Variants in THSD7B observed in about 807,000 individuals in gnomAD.
THSD7B encodes the protein thrombospondin type 1 domain containing 7B.
THSD7B carries 138 observed loss-of-function variants against 213.6 expected under a neutral mutation model. That is an observed-to-expected ratio of 0.65 (90% confidence interval 0.56 to 0.74). The LOEUF (loss-of-function observed/expected upper bound fraction) is 0.74. Ranked by LOEUF, THSD7B falls within the 30% of genes least tolerant of loss-of-function variation. THSD7B has a pLI of 0.00. For synonymous variants in THSD7B, 742 were observed against 687.0 expected (o/e 1.08, Z -1.25); for missense variants, 1,931 against 1,991.5 (o/e 0.97, Z 0.58).
chr2:137,345,688 T>A (rs1684861457), intron 12 of THSD7B, among the ~76,000 whole-genome samples: 1 of 151,626 alleles, frequency 6.6e-6, no homozygotes, highest in Non-Finnish European at 1.5e-5. Flanking sequence ...TAGCTGAGCA[T>A]TTTTCTTTTT....
At chr2:137,354,346 C>G (rs895872060) in intron 12 of THSD7B, among the ~76,000 whole-genome samples, 1 of 151,852 alleles carries the variant, frequency 6.6e-6, no homozygotes, top group African/African-American at 2.4e-5. Flanking sequence ...CAATGTTTTA[C>G]CTTTTAAAAC....
At chr2:137,326,255 G>A (rs1237806212) in intron 12 of THSD7B, among the ~76,000 whole-genome samples, 1 of 152,250 alleles carries the variant, frequency 6.6e-6, no homozygotes, top group East Asian at 1.9e-4. Flanking sequence ...CTTCAGAAGG[G>A]TAAGAGTGAA....
intron 2 of THSD7B, among the ~76,000 whole-genome samples, chr2:137,002,485 CT>C (rs2104826195): frequency 6.6e-6 from 1 of 152,228 alleles, no homozygotes; most frequent in East Asian, 1.9e-4. Flanking sequence ...TAGATTTCCC[CT>C]TTGGTATCTT....
chr2:137,641,617 G>T (rs2104861675), intron 20 of THSD7B, among the ~76,000 whole-genome samples: 1 of 152,302 alleles, frequency 6.6e-6, no homozygotes, highest in South Asian at 2.1e-4. Flanking sequence ...ACAAGAGAAA[G>T]AGAGAAGCAC....
intron 13 of THSD7B, among the ~76,000 whole-genome samples, chr2:137,411,151 G>A (rs1241930476): frequency 6.6e-6 from 1 of 152,246 alleles, no homozygotes; most frequent in Non-Finnish European, 1.5e-5. Context: ...CCTGATGGCA[G>A]AGACCAAAAT....
chr2:137,357,388 AAT>A (rs1389177821), intron 12 of THSD7B, among the ~76,000 whole-genome samples: 1 of 152,106 alleles, frequency 6.6e-6, no homozygotes, highest in African/African-American at 2.4e-5. Flanking sequence ...GGGGAAAAAT[AAT>A]ATGTTTTTCT....
intron 26 of THSD7B, among the ~76,000 whole-genome samples, chr2:137,665,899 G>C (rs1008184087): frequency 6.6e-6 from 1 of 152,044 alleles, no homozygotes; most frequent in East Asian, 1.9e-4. Context: ...AAATCAAAGT[G>C]AATGATATGC....
At chr2:137,116,728 G>A (rs1214838034) in intron 5 of THSD7B, among the ~76,000 whole-genome samples, 1 of 152,172 alleles carries the variant, frequency 6.6e-6, no homozygotes, top group African/African-American at 2.4e-5. Flanking sequence ...TACTGGGCAG[G>A]AAGATTATAA....
intron 17 of THSD7B, among the ~76,000 whole-genome samples, chr2:137,579,622 A>G (rs1196804273): frequency 1.3e-5 from 2 of 152,188 alleles, no homozygotes; most frequent in South Asian, 2.1e-4. Context: ...ACTTTCAATT[A>G]GTTCTCTAGT....
intron 2 of THSD7B, among the ~76,000 whole-genome samples, chr2:137,045,550 T>C (rs1686954743): frequency 6.6e-6 from 1 of 152,228 alleles, no homozygotes; most frequent in Admixed American, 6.5e-5. Flanking sequence ...GAACTGCAGT[T>C]GACCATAGGT....
intron 2 of THSD7B, among the ~76,000 whole-genome samples, chr2:137,015,344 C>T (rs1333314613): frequency 1.3e-5 from 2 of 152,090 alleles, no homozygotes; most frequent in African/African-American, 4.8e-5. Flanking sequence ...TATTCTTAGA[C>T]TTGAGGGCTC....
At chr2:137,344,236 T>A (rs1453886981) in intron 12 of THSD7B, among the ~76,000 whole-genome samples, 1 of 151,624 alleles carries the variant, frequency 6.6e-6, no homozygotes, top group Admixed American at 6.6e-5. Context: ...ACAAAACTGG[T>A]CTCTAGTGCC....
chr2:137,509,311 CTCTT>C (rs1229501848), intron 15 of THSD7B, among the ~76,000 whole-genome samples: 5 of 147,856 alleles, frequency 3.4e-5, no homozygotes, highest in East Asian at 4.0e-4. Flanking sequence ...TCTTTCCTCT[CTCTT>C]TCTTTTCTCT....
At chr2:137,091,385 C>T (rs1436804992) in intron 3 of THSD7B, among the ~76,000 whole-genome samples, 3 of 152,204 alleles carry the variant, frequency 2.0e-5, no homozygotes, top group African/African-American at 7.2e-5. Context: ...AATTGAAACT[C>T]ATTTTCTAAA....
intron 12 of THSD7B, among the ~76,000 whole-genome samples, chr2:137,370,185 G>A (rs1442760204): frequency 6.6e-6 from 1 of 151,942 alleles, no homozygotes; most frequent in Non-Finnish European, 1.5e-5. Context: ...ATGCTATTTC[G>A]TATACTTGTG....
At chr2:136,833,509 A>G (rs1682794169) in intron 1 of THSD7B, among the ~76,000 whole-genome samples, 1 of 147,750 alleles carries the variant, frequency 6.8e-6, no homozygotes, top group Non-Finnish European at 1.5e-5. Flanking sequence ...TAAGGCAATA[A>G]TTAGAGCTAA....
chr2:137,182,825 T>C (rs1680480246), intron 7 of THSD7B, among the ~76,000 whole-genome samples: 1 of 152,148 alleles, frequency 6.6e-6, no homozygotes, highest in African/African-American at 2.4e-5. Flanking sequence ...GTGTGTGACT[T>C]TGAGAAAGTT....
chr2:136,840,741 A>T lies in THSD7B; in HGVS notation c.-35-41403A>T, dbSNP rs77225154. Among the ~76,000 whole-genome samples the T allele has an allele frequency of 7.8e-3, 1,183 of 152,296 alleles. 7 individuals are homozygous for T. Among genetic ancestry groups the T allele is most frequent in the Non-Finnish European group, 0.012 (850 of 68,032 alleles). Reference sequence around the variant, plus strand: ...TATGATCCAAGTTATATTCCAGGGAACTTGCTCTGGATGGTATATGGAGAA... The same window carrying T: ...TATGATCCAAGTTATATTCCAGGGATCTTGCTCTGGATGGTATATGGAGAA... On this transcript the variant is annotated intron_variant, in intron 1 of 27. Transcript: ENST00000409968.
intron 12 of THSD7B, among the ~76,000 whole-genome samples, chr2:137,296,068 A>G (rs1015810315): frequency 1.3e-5 from 2 of 151,714 alleles, no homozygotes; most frequent in Non-Finnish European, 1.5e-5. Context: ...TCTTGTTGTA[A>G]ATGGTTTGAG....
Sources: gnomAD v4.1 joint callset for allele counts (sites outside exome capture counted in the v4.1 genomes callset) on GRCh38, gnomAD v4.1.1 for gene constraint, MANE v1.5 for transcripts, NCBI Gene and HGNC (gene_info 2026-07-23, HGNC 2026-07-21) for gene names.